The following EXTL3 variants were observed in gnomAD, a reference collection of about 807,000 sequenced individuals.
EXTL3 encodes exostosin-like 3.
EXTL3 carries 27 observed loss-of-function variants against 69.3 expected under a neutral mutation model. The observed-to-expected ratio is 0.39, with a 90% CI of 0.29 to 0.54. The LOEUF (loss-of-function observed/expected upper bound fraction) is 0.54. Ranked by LOEUF, EXTL3 falls within the 20% of genes least tolerant of loss-of-function variation. The pLI is 0.69. For synonymous variants in EXTL3, 511 were observed against 499.4 expected (o/e 1.02, Z -0.31); for missense variants, 1,003 against 1,231.8 (o/e 0.81, Z 2.78).
rs145929541 is a variant in EXTL3, at chr8:28,671,014, T to C, written c.-52-42443T>C. ...TTTATTTTTTGAGACGGAGTCTTGC[T>C]CTGTCACCTAGGCTGGAGTGCAGTG... On this transcript the variant is annotated intron_variant, in intron 1 of 6. Transcript: ENST00000523149. Among the ~76,000 whole-genome samples the C allele has an allele frequency of 3.2e-4, 49 of 152,070 alleles. 1 individual carries two copies. The East Asian group carries it at 9.1e-3, about 28-fold the overall frequency.
At chr8:28,678,348 G>T (rs139177369) in intron 1 of EXTL3, among the ~76,000 whole-genome samples, 1 of 152,204 alleles carries the variant, frequency 6.6e-6, no homozygotes, top group African/African-American at 2.4e-5. Flanking sequence ...GTTGAAATTC[G>T]ATTCCCAATG....
chr8:28,727,641 T>G (rs1801441409), intron 3 of EXTL3, among the ~76,000 whole-genome samples: 1 of 152,204 alleles, frequency 6.6e-6, no homozygotes, highest in Non-Finnish European at 1.5e-5. Context: ...GGTGCTATGT[T>G]GATTTAGCAG....
chr8:28,691,326 C>T (rs1473332186), intron 1 of EXTL3, among the ~76,000 whole-genome samples: 2 of 152,186 alleles, frequency 1.3e-5, no homozygotes, highest in Non-Finnish European at 2.9e-5. Flanking sequence ...TAACTGTGGA[C>T]TGATGAAAAC....
In EXTL3 at chr8:28,623,500, C is replaced by T. The variant is rs1806446091; in HGVS notation, c.-53+690C>T. On this transcript the variant is annotated intron_variant, in intron 1 of 6. Transcript: ENST00000523149. The surrounding 1 kb of genome is among the most constrained non-coding windows in gnomAD (Gnocchi z 4.2). ...GAGTTTTGTTGGTGTTTGTCCTCAGCCTGTTTCTGGGTCACCCTGCAGGGC... is the reference window on the plus strand; with the variant it reads ...GAGTTTTGTTGGTGTTTGTCCTCAGTCTGTTTCTGGGTCACCCTGCAGGGC... 2.6e-5 allele frequency among the ~76,000 whole-genome samples: 4 copies of T among 152,188 alleles called. No individual in the cohort carries two copies. The South Asian group carries it at 8.3e-4, about 31-fold the overall frequency.
chr8:28,650,556 C>G (rs1806903126), intron 1 of EXTL3, among the ~76,000 whole-genome samples: 1 of 151,996 alleles, frequency 6.6e-6, no homozygotes. Flanking sequence ...CGGGGTTTCA[C>G]CATGTTGGGC....
chr8:28,685,918 G>A (rs1363714510), intron 1 of EXTL3: 2 of 151,522 alleles, frequency 1.3e-5, no homozygotes, highest in African/African-American at 4.9e-5. Context: ...AAGCTGGAGT[G>A]CAGTGGCACC....
intron 3 of EXTL3, among the ~76,000 whole-genome samples, chr8:28,723,888 C>T (rs574948729): frequency 5.9e-5 from 9 of 152,086 alleles, no homozygotes; most frequent in African/African-American, 1.9e-4. Context: ...GTGATCTGCC[C>T]ATTTCTGCCT....
chr8:28,639,890 G>T (rs1806716294), intron 1 of EXTL3, among the ~76,000 whole-genome samples: 2 of 152,208 alleles, frequency 1.3e-5, no homozygotes, highest in Non-Finnish European at 2.9e-5. Context: ...ATCACTTGAG[G>T]TCAGGAGTTC....
intron 1 of EXTL3, among the ~76,000 whole-genome samples, chr8:28,626,237 G>A (rs1806489186): frequency 6.6e-6 from 1 of 151,676 alleles, no homozygotes; most frequent in Non-Finnish European, 1.5e-5. Context: ...AAAATATGAG[G>A]CCTAGAAAGA....
At chr8:28,613,064 G>T (rs1350180679) in intron 2 of EXTL3, among the ~76,000 whole-genome samples, 1 of 152,084 alleles carries the variant, frequency 6.6e-6, no homozygotes, top group Non-Finnish European at 1.5e-5. Flanking sequence ...CTAATAATTT[G>T]TTGAGGATTT....
In EXTL3 at chr8:28,753,175, C is replaced by A. The variant is rs1258426293; in HGVS notation, c.*2309C>A. ...CAGGCTCTGAGGGGCACGCCCTCCT[C>A]AGCGAGAGGCAGCAAGGTGGCCACA... is the stretch of plus-strand genomic sequence containing the variant. On this transcript the variant is annotated 3_prime_UTR_variant, in exon 7 of 7. Transcript: ENST00000220562. The A allele has an allele frequency of 6.6e-6, 1 of 152,280 alleles. No homozygotes were observed. The highest frequency in any genetic ancestry group is 1.5e-5 in the Non-Finnish European group (1 of 68,090). 9.4% of individuals were successfully genotyped at this position (152,280 alleles called of 1,614,324 possible). A position where few individuals can be genotyped will look rare whatever the true frequency, so the allele number is the denominator to read the frequency against.
At position 28,750,953 on chromosome 8, in the gene EXTL3, TCTG is replaced by T; in HGVS notation, c.*91_*93del. The T allele has an allele frequency of 8.4e-7, 1 of 1,193,228 alleles. No homozygotes were observed. Among genetic ancestry groups the T allele is most frequent in the Non-Finnish European group, 1.2e-6 (1 of 816,570 alleles). The allele number at this position is 1,193,228 out of a possible 1,614,324, so 73.9% of individuals were successfully genotyped here. On this transcript the variant is annotated 3_prime_UTR_variant, in exon 7 of 7. Transcript: ENST00000220562. This position sits in a 1 kb window ranked among gnomAD's most constrained non-coding sequence, Gnocchi z 5.2. ...TAGGCATTGCAGGACCTTGGGCACA[TCTG>T]CTGGTGGGTGGCCCAGAGCCTCTGC... is the stretch of plus-strand genomic sequence containing the variant.
intron 5 of EXTL3, chr8:28,742,852 T>A: frequency 7.4e-6 from 4 of 538,222 alleles, no homozygotes; most frequent in Non-Finnish European, 1.4e-5. Context: ...GGAGATGATA[T>A]GACATTCTGT....
chr8:28,679,469 G>A (rs902494105), intron 1 of EXTL3, among the ~76,000 whole-genome samples: 10 of 152,074 alleles, frequency 6.6e-5, no homozygotes, highest in Non-Finnish European at 8.8e-5. Flanking sequence ...CCAGTCTGGT[G>A]GCTCATGCTT....
intron 5 of EXTL3, among the ~76,000 whole-genome samples, chr8:28,739,623 G>A (rs1158321037): frequency 6.6e-6 from 1 of 152,160 alleles, no homozygotes; most frequent in African/African-American, 2.4e-5. Flanking sequence ...GAGGAACCGT[G>A]CCTGACATAT....
At chr8:28,713,162 G>A (rs1330459211) in intron 1 of EXTL3, among the ~76,000 whole-genome samples, 1 of 152,146 alleles carries the variant, frequency 6.6e-6, no homozygotes, top group Non-Finnish European at 1.5e-5. Context: ...CCATATTTTA[G>A]TGTTTGGTTT....
chr8:28,621,134 T>C (rs1346655839), upstream of EXTL3, among the ~76,000 whole-genome samples: 3 of 152,168 alleles, frequency 2.0e-5, no homozygotes, highest in African/African-American at 4.8e-5. Context: ...CACTGAATTG[T>C]CCCCCTCCTT....
chr8:28,679,905 A>G (rs1046304155), intron 1 of EXTL3, among the ~76,000 whole-genome samples: 1 of 152,216 alleles, frequency 6.6e-6, no homozygotes, highest in Non-Finnish European at 1.5e-5. Context: ...CTGTCAGTCT[A>G]ATAGAATAAG....
intron 2 of EXTL3, among the ~76,000 whole-genome samples, chr8:28,616,441 G>C (rs1043731747): frequency 6.6e-6 from 1 of 152,026 alleles, no homozygotes; most frequent in Non-Finnish European, 1.5e-5. Flanking sequence ...CTGGCTAACA[G>C]GGTGAAACCC....
Sources: allele counts gnomAD v4.1 joint callset (sites outside exome capture counted in the v4.1 genomes callset), GRCh38; gene constraint gnomAD v4.1.1; non-coding constraint Gnocchi (gnomAD v3.1); transcripts MANE v1.5; gene names NCBI Gene and HGNC (gene_info 2026-07-23, HGNC 2026-07-21).